The following ASCC3 variants were observed in gnomAD, a reference collection of about 807,000 sequenced individuals.
ASCC3 encodes the protein activating signal cointegrator 1 complex subunit 3.
Under a neutral mutation model 256.3 loss-of-function variants are expected in ASCC3, and 158 were observed. The ratio of observed to expected loss-of-function variants is 0.62; its 90% CI spans 0.54 to 0.70. The LOEUF (loss-of-function observed/expected upper bound fraction) is 0.70. ASCC3 is among the 30% of genes least tolerant of loss of function. The probability of loss-of-function intolerance (pLI) is 0.00; values close to 1 mark genes in which losing one functional copy is unlikely to be tolerated. For missense variants in ASCC3, 2,259 were observed against 2,626.0 expected (o/e 0.86, Z 3.05); for synonymous variants, 948 against 883.4 (o/e 1.07, Z -1.30).
Position 100,799,457 on chromosome 6 carries a change from T to C in ASCC3, c.1243A>G (p.Thr415Ala), listed in dbSNP as rs748796029. The change falls in exon 7 of 42, where the codon ACA (threonine) becomes GCA (alanine). Residue 415 changes from threonine (T) to alanine (A), a missense_variant. Thr to Ala is a moderately conservative substitution (Grantham distance 58). This residue lies in a region of ASCC3 where 1,839 missense variants were observed against 2,206.7 expected (regional missense o/e 0.83). Transcript: ENST00000369162. ...VYDSQAEAMKTSAFIAGAKMI... is the reference protein window; with the variant it reads ...VYDSQAEAMKASAFIAGAKMI... Reference sequence around the variant, plus strand: ...TTTGCACCAGCAATAAATGCTGATGTTTTCATGGCTTCAGCCTGGGAATCA... The same window carrying C: ...TTTGCACCAGCAATAAATGCTGATGCTTTCATGGCTTCAGCCTGGGAATCA... The C allele has an allele frequency of 6.2e-7, 1 of 1,612,834 alleles. No individual in the cohort carries two copies. Among genetic ancestry groups the C allele is most frequent in the Non-Finnish European group, 8.5e-7 (1 of 1,179,462 alleles).
intron 30 of ASCC3, among the ~76,000 whole-genome samples, chr6:100,613,445 A>G (rs944997375): frequency 2.6e-5 from 4 of 152,054 alleles, no homozygotes; most frequent in Non-Finnish European, 5.9e-5. Context: ...AATGACCTAT[A>G]TAGTTCCATC....
At chr6:100,711,520 A>G (rs1778851392) in intron 13 of ASCC3, among the ~76,000 whole-genome samples, 1 of 152,214 alleles carries the variant, frequency 6.6e-6, no homozygotes, top group Non-Finnish European at 1.5e-5. Context: ...TGAGGTCGGG[A>G]GTTCAAGACT....
At chr6:100,836,884 A>G (rs918957478) in intron 4 of ASCC3, among the ~76,000 whole-genome samples, 15 of 152,078 alleles carry the variant, frequency 9.9e-5, no homozygotes, top group Non-Finnish European at 1.3e-4. Flanking sequence ...CTTTGATGGG[A>G]GACTTTTTAT....
chr6:100,563,570 C>A (rs1470872026), intron 36 of ASCC3, among the ~76,000 whole-genome samples: 1 of 152,012 alleles, frequency 6.6e-6, no homozygotes, highest in Non-Finnish European at 1.5e-5. Flanking sequence ...GGGAAGGAGG[C>A]ATTCCTCGCA....
chr6:100,561,034 C>A (rs552241901), intron 36 of ASCC3, among the ~76,000 whole-genome samples: 13 of 151,832 alleles, frequency 8.6e-5, no homozygotes, highest in African/African-American at 2.9e-4. Flanking sequence ...AATATAGCAA[C>A]CAACCACTTG....
At chr6:100,661,366 A>G (rs1175784440) in intron 16 of ASCC3, among the ~76,000 whole-genome samples, 1 of 93,872 alleles carries the variant, frequency 1.1e-5, no homozygotes, top group Non-Finnish European at 2.8e-5. Flanking sequence ...CACAAAACAA[A>G]TGATCATAAT....
chr6:100,663,208 C>G (rs984283558), intron 14 of ASCC3, among the ~76,000 whole-genome samples: 1 of 152,084 alleles, frequency 6.6e-6, no homozygotes, highest in Admixed American at 6.6e-5. Flanking sequence ...AGCTCCTCAA[C>G]TATAGATGTG....
At chr6:100,800,628 G>A in intron 5 of ASCC3, 124 bp from the exon 6 acceptor site, 1 of 747,248 alleles carries the variant, frequency 1.3e-6, no homozygotes, top group Non-Finnish European at 2.2e-6. Flanking sequence ...TTTTAAAGCT[G>A]GCAAATTCAA....
rs779150563 is a variant in ASCC3, at chr6:100,661,853, T to A, written c.2656A>T (p.Ile886Phe). Residue 886 changes from isoleucine to phenylalanine, a missense_variant, in exon 16 of 42, where the codon ATT (isoleucine) becomes TTT (phenylalanine). Ile to Phe is a conservative substitution (Grantham distance 21). Around this residue, in one of 2 missense-constraint regions of ASCC3, gnomAD observed 1,839 missense variants for 2,206.7 expected, o/e 0.83. Transcript: ENST00000369162. ...AGGCTTTCCAGAAACTGACTCTCAATTGGGTTTCGTTGAGTGAGCAAAGTG... is the reference window on the plus strand; with the variant it reads ...AGGCTTTCCAGAAACTGACTCTCAAATGGGTTTCGTTGAGTGAGCAAAGTG... ...YLTLLTQRNP[I>F]ESQFLESLAD... 6.2e-7 allele frequency: 1 copy of A among 1,613,322 alleles called. No homozygotes were observed. Among genetic ancestry groups the A allele is most frequent in the African/African-American group, 1.3e-5 (1 of 75,002 alleles).
intron 10 of ASCC3, among the ~76,000 whole-genome samples, chr6:100,732,480 G>A (rs893377426): frequency 5.3e-5 from 8 of 152,086 alleles, no homozygotes; most frequent in African/African-American, 1.7e-4. Flanking sequence ...AGAAATAGAT[G>A]TTTTCATAGT....
At chr6:100,520,033 T>C (rs1774223843) in intron 37 of ASCC3, among the ~76,000 whole-genome samples, 1 of 152,166 alleles carries the variant, frequency 6.6e-6, no homozygotes, top group Admixed American at 6.6e-5. Context: ...AAAATGTTGC[T>C]ACAAGTTTCT....
At chr6:100,597,198 C>A (rs1483296778) in intron 34 of ASCC3, among the ~76,000 whole-genome samples, 14 of 152,192 alleles carry the variant, frequency 9.2e-5, no homozygotes, top group South Asian at 2.1e-4. Context: ...CTTCCTTATC[C>A]TGTTTTCCTT....
At chr6:100,641,695 C>T (rs1394136789) in intron 24 of ASCC3, among the ~76,000 whole-genome samples, 1 of 152,156 alleles carries the variant, frequency 6.6e-6, no homozygotes, top group East Asian at 1.9e-4. Context: ...AATCATGCTG[C>T]TATAAGGACA....
Position 100,766,723 on chromosome 6 carries a change from T to C in ASCC3, c.1597-18A>G, listed in dbSNP as rs2115130426. The C allele has an allele frequency of 1.2e-6, 2 of 1,613,888 alleles. No individual in the cohort carries two copies. Among genetic ancestry groups the C allele is most frequent in the South Asian group, 2.2e-5 (2 of 91,082 alleles). On this transcript the variant is annotated intron_variant, in intron 9 of 41. Transcript: ENST00000369162. The stretch of plus-strand genomic sequence containing the variant: ...TATACAATCTATACCAAAGGAACAC[T>C]AGCTTGATTAATGAGCAAAAACTAC...
chr6:100,620,739 T>G (rs541644422), intron 30 of ASCC3, among the ~76,000 whole-genome samples: 1 of 152,224 alleles, frequency 6.6e-6, no homozygotes, highest in Non-Finnish European at 1.5e-5. Flanking sequence ...CAATTACCCA[T>G]GTCCTGCCAC....
At chr6:100,814,859 A>C (rs1770663387) in intron 4 of ASCC3, among the ~76,000 whole-genome samples, 1 of 151,686 alleles carries the variant, frequency 6.6e-6, no homozygotes. Context: ...CTAGCAGTCT[A>C]TTTTATTAAT....
chr6:100,612,013 A>G (rs1773424474), intron 30 of ASCC3, among the ~76,000 whole-genome samples: 3 of 152,062 alleles, frequency 2.0e-5, no homozygotes, highest in Admixed American at 2.0e-4. Flanking sequence ...TGATTGTTAA[A>G]AAAATTATTC....
intron 10 of ASCC3, among the ~76,000 whole-genome samples, chr6:100,736,832 A>T (rs1449601785): frequency 6.6e-6 from 1 of 152,046 alleles, no homozygotes; most frequent in Non-Finnish European, 1.5e-5. Flanking sequence ...GAAGACCTAA[A>T]CTGTATTTCA....
At position 100,509,934 on chromosome 6, in the gene ASCC3, T is replaced by G. The variant is rs1341351483; in HGVS notation, c.6459A>C (p.Gly2153=). The change falls in exon 41 of 42, where the codon GGA becomes GGC. Residue 2153 remains glycine, a splice_region_variant and synonymous_variant. Transcript: ENST00000369162. ...TTTGGTAGTAGGATTCTTCTTACCT[T>G]CCAGGTATTTCAGGGGTATAAAAAG... The part of the protein sequence containing the change: ...SLSFYTPEIP[G]RYIYTLYFMS... The G allele has an allele frequency of 1.9e-6, 3 of 1,612,958 alleles. No homozygotes were observed. The South Asian group carries it at 3.3e-5, about 18-fold the overall frequency.
Sources: gnomAD v4.1 joint callset for allele counts (sites outside exome capture counted in the v4.1 genomes callset) on GRCh38, gnomAD v4.1.1 for gene constraint, gnomAD v4.1.1 regional missense constraint, MANE v1.5 for transcripts, NCBI Gene and HGNC (gene_info 2026-07-23, HGNC 2026-07-21) for gene names.